Variants in TNS3 observed in about 807,000 individuals in gnomAD.
TNS3 encodes tensin 3.
A neutral mutation model predicts 140.9 loss-of-function variants in TNS3; 45 were observed. The observed-to-expected ratio is 0.32, with a 90% confidence interval of 0.25 to 0.41. The LOEUF is 0.41. Ranked by LOEUF, TNS3 falls within the 10% of genes least tolerant of loss-of-function variation. The pLI, the probability that TNS3 is intolerant of heterozygous loss-of-function variation, is 1.00. For synonymous variants in TNS3, 815 were observed against 788.4 expected (o/e 1.03, Z -0.56); for missense variants, 1,716 against 1,906.7 (o/e 0.90, Z 1.86).
At chr7:47,415,011 G>C (rs1243877237) in intron 11 of TNS3, 83 bp downstream of exon 11, 1 of 1,028,608 alleles carries the variant, frequency 9.7e-7, no homozygotes, top group African/African-American at 1.6e-5. Flanking sequence ...GGAAAGCCGA[G>C]GCTTATCTAA....
chr7:47,414,646 A>C (rs760253051), intron 11 of TNS3, among the ~76,000 whole-genome samples: 48 of 152,180 alleles, frequency 3.2e-4, no homozygotes, highest in Non-Finnish European at 6.6e-4. Context: ...CCTCAGCTAC[A>C]TGCTGTGTGC....
chr7:47,446,671 G>T (rs932226068), intron 4 of TNS3, among the ~76,000 whole-genome samples: 7 of 118,402 alleles, frequency 5.9e-5, no homozygotes, highest in African/African-American at 1.6e-4. Flanking sequence ...TGCAAAGACC[G>T]CCCTGTTCCA....
At chr7:47,567,282 T>C (rs2152008912) in intron 1 of TNS3, among the ~76,000 whole-genome samples, 1 of 152,260 alleles carries the variant, frequency 6.6e-6, no homozygotes, top group African/African-American at 2.4e-5. Flanking sequence ...AACAAAACTT[T>C]GCAAACTCAC....
chr7:47,394,516 G>A (rs1268798348), intron 16 of TNS3, among the ~76,000 whole-genome samples: 1 of 152,252 alleles, frequency 6.6e-6, no homozygotes, highest in African/African-American at 2.4e-5. Flanking sequence ...CATCTGTCAA[G>A]GCAGCGTGAA....
chr7:47,568,727 A>G (rs370769867), intron 1 of TNS3, among the ~76,000 whole-genome samples: 1 of 152,368 alleles, frequency 6.6e-6, no homozygotes, highest in African/African-American at 2.4e-5. Context: ...CAAACAGAAC[A>G]GTGCGTTATG....
intron 1 of TNS3, among the ~76,000 whole-genome samples, chr7:47,571,547 A>G (rs4551248): frequency 0.96 from 145,668 of 152,316 alleles, 69,980 homozygotes; most frequent in South Asian, 1. Flanking sequence ...CAGAAAAACC[A>G]GTGTGTACAA....
At chr7:47,318,200 G>A (rs1787523277) in intron 20 of TNS3, among the ~76,000 whole-genome samples, 1 of 152,198 alleles carries the variant, frequency 6.6e-6, no homozygotes, top group Admixed American at 6.5e-5. Flanking sequence ...TCTTGTGACT[G>A]ACTTACTTCA....
chr7:47,520,822 A>C (rs932649938), intron 2 of TNS3, among the ~76,000 whole-genome samples: 5 of 152,212 alleles, frequency 3.3e-5, no homozygotes, highest in Non-Finnish European at 7.3e-5. Context: ...GGCTGAGCTC[A>C]GTTCCCCGGT....
chr7:47,462,268 T>C lies in TNS3; in HGVS notation c.-76+18835A>G, dbSNP rs548142940. ...CTGTATTAATACCAGTAACGATCAT[T>C]GTCACAGCAAGTTATTCCACATCCA... On this transcript the variant is annotated intron_variant, in intron 4 of 30. Transcript: ENST00000311160. Among the ~76,000 whole-genome samples the C allele has an allele frequency of 2.0e-4, 31 of 152,314 alleles. No homozygotes were observed. The East Asian group carries it at 3.3e-3, about 16-fold the overall frequency.
intron 4 of TNS3, among the ~76,000 whole-genome samples, chr7:47,454,320 G>A (rs1464221541): frequency 2.0e-5 from 3 of 152,182 alleles, no homozygotes; most frequent in Non-Finnish European, 4.4e-5. Context: ...GACGGCAGGG[G>A]GTCAAAATAG....
intron 1 of TNS3, among the ~76,000 whole-genome samples, chr7:47,552,271 C>T (rs531937237): frequency 7.9e-5 from 12 of 152,172 alleles, no homozygotes; most frequent in Admixed American, 2.6e-4. Flanking sequence ...TGAGTGAAGG[C>T]GAGAAACAAT....
chr7:47,448,388 C>T (rs1395990943), intron 4 of TNS3, among the ~76,000 whole-genome samples: 1 of 152,088 alleles, frequency 6.6e-6, no homozygotes, highest in Non-Finnish European at 1.5e-5. Flanking sequence ...CTCTCCACAG[C>T]TGAGGATCTG....
chr7:47,321,637 G>C (rs1301106427), intron 20 of TNS3, among the ~76,000 whole-genome samples: 17 of 152,210 alleles, frequency 1.1e-4, no homozygotes, highest in Non-Finnish European at 2.2e-4. Context: ...GACAGAACTG[G>C]ACAATGCTTG....
rs73326535 is a variant in TNS3 at position 47,371,662 on chromosome 7, A to C, written c.1025-2041T>G. ...TTTCGCCCAGCTCTGTGCAAATTAAACAAAGGGAAAGACTGGAAAGACTGG... is the reference window on the plus strand; with the variant it reads ...TTTCGCCCAGCTCTGTGCAAATTAACCAAAGGGAAAGACTGGAAAGACTGG... On this transcript the variant is annotated intron_variant, in intron 16 of 30. Coordinates refer to ENST00000311160, the MANE Select transcript of TNS3 (RefSeq NM_022748.12). Among the ~76,000 whole-genome samples, 693 of 151,542 alleles carry C rather than the reference A, an allele frequency of 4.6e-3. 4 individuals carry two copies. The highest frequency in any genetic ancestry group is 0.016 in the African/African-American group (665 of 40,810).
chr7:47,404,746 T>C (rs1428667491), intron 13 of TNS3, among the ~76,000 whole-genome samples: 1 of 151,878 alleles, frequency 6.6e-6, no homozygotes, highest in Non-Finnish European at 1.5e-5. Context: ...AAGCCGGTCA[T>C]GGGGGCAGGC....
At chr7:47,315,484 G>A (rs910459969) in intron 20 of TNS3, among the ~76,000 whole-genome samples, 1 of 152,230 alleles carries the variant, frequency 6.6e-6, no homozygotes, top group African/African-American at 2.4e-5. Context: ...GGGTGACAGA[G>A]GGTCACGGGC....
At chr7:47,467,970 A>C (rs376503275) in intron 4 of TNS3, among the ~76,000 whole-genome samples, 25 of 152,274 alleles carry the variant, frequency 1.6e-4, no homozygotes, top group African/African-American at 5.8e-4. Flanking sequence ...AATAATGCAC[A>C]AACGAATGCC....
chr7:47,448,801 T>C (rs1795876658), intron 4 of TNS3, among the ~76,000 whole-genome samples: 1 of 152,182 alleles, frequency 6.6e-6, no homozygotes, highest in African/African-American at 2.4e-5. Flanking sequence ...TTTTAACCTA[T>C]GTCCTTCGAC....
At chr7:47,345,729 G>C (rs1217653484) in intron 18 of TNS3, among the ~76,000 whole-genome samples, 2 of 152,180 alleles carry the variant, frequency 1.3e-5, no homozygotes. Flanking sequence ...CTCGGAGGGA[G>C]GACTGAGGAC....
Sources: allele counts gnomAD v4.1 joint callset (sites outside exome capture counted in the v4.1 genomes callset), GRCh38; gene constraint gnomAD v4.1.1; transcripts MANE v1.5; gene names NCBI Gene and HGNC (gene_info 2026-07-23, HGNC 2026-07-21).